The following ZNF385D variants were observed in gnomAD, a reference collection of about 807,000 sequenced individuals.
The protein encoded by ZNF385D is zinc finger protein 659.
A neutral mutation model predicts 35.8 loss-of-function variants in ZNF385D; 15 were observed. That is an observed-to-expected ratio of 0.42 (90% CI 0.28 to 0.64). ZNF385D has a LOEUF of 0.64. Ranked by LOEUF, ZNF385D falls within the 30% of genes least tolerant of loss-of-function variation. The pLI is 0.23. For synonymous variants in ZNF385D, 212 were observed against 186.8 expected (o/e 1.13, Z -1.10); for missense variants, 474 against 494.6 (o/e 0.96, Z 0.39).
intron 3 of ZNF385D, among the ~76,000 whole-genome samples, chr3:21,773,522 T>C (rs1295644213): frequency 6.6e-6 from 1 of 151,922 alleles, no homozygotes; most frequent in Non-Finnish European, 1.5e-5. Context: ...TCTATCCATC[T>C]GACAAAAGTC....
chr3:22,043,973 T>C (rs768394518), intron 3 of ZNF385D, among the ~76,000 whole-genome samples: 2 of 151,568 alleles, frequency 1.3e-5, no homozygotes, highest in Non-Finnish European at 2.9e-5. Flanking sequence ...GGGTTGAGAA[T>C]AAAAAAAGGA....
intron 3 of ZNF385D, among the ~76,000 whole-genome samples, chr3:21,766,103 G>C (rs2070820101): frequency 6.6e-6 from 1 of 152,114 alleles, no homozygotes; most frequent in Non-Finnish European, 1.5e-5. Flanking sequence ...GGAGAATCCA[G>C]GGCATTTGGG....
At position 21,985,303 on chromosome 3, in the gene ZNF385D, T is replaced by A. The variant is rs1321591584; in HGVS notation, c.325+183514A>T. ...ATTCAGTATGATATTGGCTGTGGGT[T>A]TGTCATAGATAGCTCTTATTATTTT... On this transcript the variant is annotated intron_variant, in intron 3 of 5. Transcript: ENST00000494108. 3.0e-5 allele frequency among the ~76,000 whole-genome samples: 3 copies of A among 98,764 alleles called. No homozygotes were observed. In the East Asian group the frequency reaches 7.3e-4, roughly 24 times the overall value. 64.8% of individuals were successfully genotyped at this position (98,764 alleles called of 152,430 possible). A position where few individuals can be genotyped will look rare whatever the true frequency, so the allele number is the denominator to read the frequency against.
intron 3 of ZNF385D, among the ~76,000 whole-genome samples, chr3:21,892,694 TCA>T (rs1698933610): frequency 6.6e-6 from 1 of 152,128 alleles, no homozygotes; most frequent in African/African-American, 2.4e-5. Flanking sequence ...TAAGAGACAT[TCA>T]CTCTCTCCAC....
At chr3:21,567,570 A>G (rs2063193777) in intron 2 of ZNF385D, among the ~76,000 whole-genome samples, 1 of 151,942 alleles carries the variant, frequency 6.6e-6, no homozygotes, top group Non-Finnish European at 1.5e-5. Context: ...CCACCAGCTG[A>G]CGGAAAAATT....
At chr3:21,977,604 A>C (rs574958383) in intron 3 of ZNF385D, among the ~76,000 whole-genome samples, 2 of 152,224 alleles carry the variant, frequency 1.3e-5, no homozygotes, top group African/African-American at 2.4e-5. Context: ...AGAGTGCTTG[A>C]GGACAGGAGC....
At chr3:22,253,860 G>C (rs772068199) in intron 2 of ZNF385D, among the ~76,000 whole-genome samples, 11 of 151,784 alleles carry the variant, frequency 7.2e-5, no homozygotes, top group Non-Finnish European at 1.6e-4. Context: ...TGACAAGAGA[G>C]GCATTTCAAA....
At chr3:22,005,496 G>A (rs747030854) in intron 3 of ZNF385D, among the ~76,000 whole-genome samples, 41 of 151,994 alleles carry the variant, frequency 2.7e-4, no homozygotes, top group Non-Finnish European at 4.7e-4. Context: ...GAAAAGATTC[G>A]AAATATTTTC....
intron 3 of ZNF385D, among the ~76,000 whole-genome samples, chr3:21,933,490 C>T (rs368917244): frequency 6.6e-6 from 1 of 152,096 alleles, no homozygotes; most frequent in African/African-American, 2.4e-5. Flanking sequence ...TGAAAAAGGC[C>T]AATGCTTCAT....
At chr3:21,786,170 T>C (rs1269850926) in intron 3 of ZNF385D, among the ~76,000 whole-genome samples, 1 of 152,186 alleles carries the variant, frequency 6.6e-6, no homozygotes, top group Non-Finnish European at 1.5e-5. Flanking sequence ...CAAACTCAGC[T>C]TTCTTTGACA....
At chr3:22,000,432 T>C (rs1433195322) in intron 3 of ZNF385D, among the ~76,000 whole-genome samples, 2 of 152,208 alleles carry the variant, frequency 1.3e-5, no homozygotes, top group Middle Eastern at 3.2e-3. Flanking sequence ...GTCAGGAAGT[T>C]ACCCTATATG....
chr3:21,856,551 T>C (rs1048813915), intron 3 of ZNF385D, among the ~76,000 whole-genome samples: 1 of 151,986 alleles, frequency 6.6e-6, no homozygotes, highest in Non-Finnish European at 1.5e-5. Context: ...AATCTTGGAA[T>C]TTTCCCCCTT....
intron 3 of ZNF385D, among the ~76,000 whole-genome samples, chr3:21,953,886 C>T (rs1353289579): frequency 6.6e-6 from 1 of 152,118 alleles, no homozygotes; most frequent in Middle Eastern, 3.4e-3. Flanking sequence ...AATGAAGGCA[C>T]ATGTAGCCTG....
chr3:22,299,079 T>G (rs986457284), intron 2 of ZNF385D, among the ~76,000 whole-genome samples: 1 of 151,942 alleles, frequency 6.6e-6, no homozygotes, highest in African/African-American at 2.4e-5. Context: ...AGAATGCCAA[T>G]AATAAACTGC....
intron 3 of ZNF385D, among the ~76,000 whole-genome samples, chr3:22,129,190 GTCTC>G (rs377686489): frequency 3.3e-5 from 5 of 151,194 alleles, no homozygotes; most frequent in African/African-American, 7.3e-5. Context: ...AACAAACAGA[GTCTC>G]TCTCTCTCTC....
intron 3 of ZNF385D, among the ~76,000 whole-genome samples, chr3:21,965,777 C>A (rs1452029831): frequency 6.6e-6 from 1 of 152,112 alleles, no homozygotes. Flanking sequence ...AAAAGACACA[C>A]TGAAGTATTT....
At chr3:21,582,117 C>G (rs186439924) in intron 2 of ZNF385D, among the ~76,000 whole-genome samples, 14 of 152,222 alleles carry the variant, frequency 9.2e-5, no homozygotes, top group Admixed American at 7.8e-4. Context: ...GCCATGGTAT[C>G]CTATATGTTA....
intron 1 of ZNF385D, among the ~76,000 whole-genome samples, chr3:21,740,394 T>C (rs1007486730): frequency 6.6e-6 from 1 of 152,176 alleles, no homozygotes; most frequent in African/African-American, 2.4e-5. Flanking sequence ...ATCTATATTA[T>C]AATATAATCT....
intron 4 of ZNF385D, among the ~76,000 whole-genome samples, chr3:21,456,281 G>A (rs964628072): frequency 1.1e-4 from 16 of 152,188 alleles, no homozygotes; most frequent in Non-Finnish European, 1.6e-4. Context: ...AAAGACACAC[G>A]CACATGTATG....
Sources: gnomAD v4.1 joint callset for allele counts (sites outside exome capture counted in the v4.1 genomes callset) on GRCh38, gnomAD v4.1.1 for gene constraint, MANE v1.5 for transcripts, NCBI Gene and HGNC (gene_info 2026-07-23, HGNC 2026-07-21) for gene names.